CAB39: variants seen among roughly 807,000 people sequenced by gnomAD.
CAB39 encodes the protein calcium-binding protein 39.
A neutral mutation model predicts 40.0 loss-of-function variants in CAB39; 8 were observed. The ratio of observed to expected loss-of-function variants is 0.20; its 90% CI spans 0.12 to 0.36. CAB39 has a LOEUF of 0.36. Among genes scored for constraint, CAB39 ranks in the 10% least tolerant of loss-of-function variants. The pLI, the probability that CAB39 is intolerant of heterozygous loss-of-function variation, is 1.00. For missense variants in CAB39, 270 were observed against 401.1 expected, an observed-to-expected ratio of 0.67 and a Z score of 2.79; for synonymous variants, 156 against 141.6, an observed-to-expected ratio of 1.10 and a Z score of -0.72.
intron 5 of CAB39, among the ~76,000 whole-genome samples, chr2:230,804,318 A>G (rs956672900): frequency 6.6e-6 from 1 of 152,210 alleles, no homozygotes; most frequent in African/African-American, 2.4e-5. Context: ...CCTAGGCACT[A>G]CCATTCAGGA....
chr2:230,818,564 C>T lies in CAB39; in HGVS notation c.886C>T (p.Leu296Phe). 1.2e-6 allele frequency: 2 copies of T among 1,614,200 alleles called. No homozygotes were observed. Among genetic ancestry groups the T allele is most frequent in the Non-Finnish European group, 8.5e-7 (1 of 1,180,038 alleles). Residue 296 changes from leucine to phenylalanine, a missense_variant, in exon 9 of 9, where the codon CTC becomes TTC. Physicochemically the swap from Leu to Phe is conservative, Grantham distance 22. Transcript: ENST00000258418. ...NKTQPILDIL[L>F]KNQAKLIEFL... ...GACGCAGCCCATCCTAGACATCCTC[C>T]TCAAGAACCAGGCCAAACTCATAGA...
chr2:230,788,029 G>A (rs577846659), intron 2 of CAB39, among the ~76,000 whole-genome samples: 2 of 152,156 alleles, frequency 1.3e-5, no homozygotes, highest in Non-Finnish European at 2.9e-5. Context: ...AGCTTAGAAG[G>A]TTACATAACT....
intron 2 of CAB39, among the ~76,000 whole-genome samples, chr2:230,779,736 A>AG (rs1421839021): frequency 6.6e-6 from 1 of 152,184 alleles, no homozygotes; most frequent in Non-Finnish European, 1.5e-5. Flanking sequence ...GGGAGATGAG[A>AG]GGTATGTGTG....
At position 230,739,728 on chromosome 2, in the gene CAB39, G is replaced by A. The variant is rs138415619; in HGVS notation, c.-43-20231G>A. 4.5e-3 allele frequency among the ~76,000 whole-genome samples: 687 copies of A among 152,220 alleles called. 4 individuals carry two copies. Among genetic ancestry groups the A allele is most frequent in the African/African-American group, 0.015 (635 of 41,524 alleles). ...AGGCTGGTCTTGAACTCCCGACCTC[G>A]GGTGATCCGCCCACCTCGGCCTCCC... is the stretch of plus-strand genomic sequence containing the variant. On this transcript the variant is annotated intron_variant, in intron 1 of 8. Coordinates refer to ENST00000258418, the MANE Select transcript of CAB39 (RefSeq NM_016289.4).
intron 6 of CAB39, among the ~76,000 whole-genome samples, chr2:230,810,889 G>GT (rs1411996794): frequency 6.6e-6 from 1 of 152,200 alleles, no homozygotes; most frequent in Non-Finnish European, 1.5e-5. Flanking sequence ...GATGTTCCTG[G>GT]TAATAGTGTC....
At chr2:230,741,794 A>G (rs946694235) in intron 1 of CAB39, among the ~76,000 whole-genome samples, 5 of 152,254 alleles carry the variant, frequency 3.3e-5, no homozygotes, top group Admixed American at 6.5e-5. Flanking sequence ...TTCAACGTGT[A>G]TTTAGATATA....
At chr2:230,818,040 G>A in intron 8 of CAB39, 143 bp downstream of exon 8, 1 of 743,668 alleles carries the variant, frequency 1.3e-6, no homozygotes, top group Non-Finnish European at 2.2e-6. Context: ...TGTGTGCTAT[G>A]ACTTTTAAAC....
chr2:230,816,718 T>C (rs1045472511), intron 7 of CAB39, among the ~76,000 whole-genome samples: 1 of 152,204 alleles, frequency 6.6e-6, no homozygotes, highest in Non-Finnish European at 1.5e-5. Flanking sequence ...ACAGGCCTGA[T>C]ACGTGCTTTG....
Position 230,818,795 on chromosome 2 carries a change from A to G in CAB39, c.*91A>G. The G allele has an allele frequency of 1.0e-6, 1 of 997,998 alleles. No individual in the cohort carries two copies. The highest frequency in any genetic ancestry group is 1.5e-6 in the Non-Finnish European group (1 of 662,692). The allele number at this position is 997,998 out of a possible 1,614,324, so 61.8% of individuals were successfully genotyped here. ...CTCTTATTGATTCATGAGGAACATT[A>G]CTGCTAATCTGCTGTTAAGTGAACG... On this transcript the variant is annotated 3_prime_UTR_variant, in exon 9 of 9. Transcript: ENST00000258418.
intron 1 of CAB39, among the ~76,000 whole-genome samples, chr2:230,731,012 A>C (rs947490717): frequency 6.6e-6 from 1 of 152,202 alleles, no homozygotes; most frequent in Non-Finnish European, 1.5e-5. Flanking sequence ...TTGAGATACA[A>C]AAGGTCAATG....
At chr2:230,727,470 G>A (rs1378365091) in intron 1 of CAB39, among the ~76,000 whole-genome samples, 3 of 147,868 alleles carry the variant, frequency 2.0e-5, no homozygotes, top group African/African-American at 5.0e-5. Flanking sequence ...GCTGGAGTGC[G>A]GTGGCGCAGT....
At position 230,790,856 on chromosome 2, in the gene CAB39, C is replaced by T; in HGVS notation, c.115-16C>T. 4 of 1,586,908 alleles carry T rather than the reference C, an allele frequency of 2.5e-6. No individual in the cohort carries two copies. Among genetic ancestry groups the T allele is most frequent in the Non-Finnish European group, 3.4e-6 (4 of 1,170,738 alleles). On this transcript the variant is annotated splice_polypyrimidine_tract_variant and intron_variant, in intron 2 of 8. Transcript: ENST00000258418. Reference sequence around the variant, plus strand: ...TTGTTTTTTCTCCTCTTCCCAACTCCTCTCTCTAAAATTAGGCTACAGAAG... The same window carrying T: ...TTGTTTTTTCTCCTCTTCCCAACTCTTCTCTCTAAAATTAGGCTACAGAAG...
Position 230,719,464 on chromosome 2 carries a change from G to A in CAB39, c.-44+6234G>A, listed in dbSNP as rs562048156. ...TAGATCCGAATTTGGATTTTAATAG[G>A]TTTCCAAGCAGTAACCACATTACAA... is the stretch of plus-strand genomic sequence containing the variant. On this transcript the variant is annotated intron_variant, in intron 1 of 8. Coordinates refer to ENST00000258418, the MANE Select transcript of CAB39 (RefSeq NM_016289.4). Among the ~76,000 whole-genome samples the A allele has an allele frequency of 2.6e-5, 4 of 152,292 alleles. No individual in the cohort carries two copies. The South Asian group carries it at 8.3e-4, about 32-fold the overall frequency.
Position 230,732,437 on chromosome 2 carries a change from C to G in CAB39, c.-44+19207C>G, listed in dbSNP as rs114540264. ...TCAGGTTTATCAGTCAGTTTTAAGACCCCTTACTTGGGTTTTAGGAAACAT... is the reference window on the plus strand; with the variant it reads ...TCAGGTTTATCAGTCAGTTTTAAGAGCCCTTACTTGGGTTTTAGGAAACAT... On this transcript the variant is annotated intron_variant, in intron 1 of 8. Transcript: ENST00000258418. Among the ~76,000 whole-genome samples, 680 of 152,224 alleles carry G rather than the reference C, an allele frequency of 4.5e-3. 4 individuals carry two copies. The highest frequency in any genetic ancestry group is 7.8e-3 in the Non-Finnish European group (531 of 68,004).
intron 2 of CAB39, among the ~76,000 whole-genome samples, chr2:230,780,965 C>G (rs542180180): frequency 1.9e-4 from 29 of 151,820 alleles, no homozygotes; most frequent in Non-Finnish European, 3.8e-4. Context: ...ACCTGTAGTC[C>G]CAGCTACTCG....
chr2:230,780,211 T>A (rs1481489910), intron 2 of CAB39, among the ~76,000 whole-genome samples: 1 of 152,152 alleles, frequency 6.6e-6, no homozygotes, highest in East Asian at 1.9e-4. Flanking sequence ...GGATGCCCCT[T>A]ACCTGTGAAG....
chr2:230,742,193 G>A (rs1275925515), intron 1 of CAB39, among the ~76,000 whole-genome samples: 1 of 150,118 alleles, frequency 6.7e-6, no homozygotes, highest in Non-Finnish European at 1.5e-5. Flanking sequence ...GTTTGTTTTT[G>A]AGATGGAGTC....
At chr2:230,765,042 A>G (rs1695360874) in intron 2 of CAB39, among the ~76,000 whole-genome samples, 1 of 151,926 alleles carries the variant, frequency 6.6e-6, no homozygotes, top group South Asian at 2.1e-4. Context: ...GCTGGAGTGC[A>G]GTGGCGCAGT....
At chr2:230,731,547 G>C (rs1694689168) in intron 1 of CAB39, among the ~76,000 whole-genome samples, 1 of 152,154 alleles carries the variant, frequency 6.6e-6, no homozygotes, top group Non-Finnish European at 1.5e-5. Context: ...TGTCACCGAG[G>C]CTGTGAGTGC....
Sources: allele counts gnomAD v4.1 joint callset (sites outside exome capture counted in the v4.1 genomes callset), GRCh38; gene constraint gnomAD v4.1.1; transcripts MANE v1.5; gene names NCBI Gene and HGNC (gene_info 2026-07-23, HGNC 2026-07-21).